The following SGCD variants were observed in gnomAD, a reference collection of about 807,000 sequenced individuals.
SGCD encodes the protein delta-sarcoglycan.
SGCD carries 18 observed loss-of-function variants against 36.6 expected under a neutral mutation model. The ratio of observed to expected loss-of-function variants is 0.49; its 90% CI spans 0.34 to 0.73. The LOEUF (loss-of-function observed/expected upper bound fraction) is 0.73. Ranked by LOEUF, SGCD falls within the 30% of genes least tolerant of loss-of-function variation. The probability of loss-of-function intolerance (pLI) is 0.01; values close to 1 mark genes in which losing one functional copy is unlikely to be tolerated. For synonymous variants in SGCD, 133 were observed against 130.6 expected (o/e 1.02, Z -0.12); for missense variants, 387 against 346.7 (o/e 1.12, Z -0.92).
chr5:156,565,374 A>T (rs1199068449), intron 4 of SGCD, among the ~76,000 whole-genome samples: 7 of 152,122 alleles, frequency 4.6e-5, no homozygotes, highest in South Asian at 2.1e-4. Context: ...ATATTTTTTT[A>T]AAAACCTGCC....
At chr5:156,504,744 A>G (rs1370669559) in intron 3 of SGCD, among the ~76,000 whole-genome samples, 1 of 152,204 alleles carries the variant, frequency 6.6e-6, no homozygotes, top group Non-Finnish European at 1.5e-5. Context: ...GAAGGAACTG[A>G]GGTAAATCGT....
At chr5:155,797,465 C>T in the SGCD span, among the ~76,000 whole-genome samples, 221 of 152,206 alleles carry the variant, frequency 1.5e-3, no homozygotes, top group Non-Finnish European at 2.5e-3. Context: ...AGTATATAGC[C>T]ATGGTATTCA....
chr5:156,349,539 A>G (rs957610734), intron 3 of SGCD, among the ~76,000 whole-genome samples: 1 of 152,132 alleles, frequency 6.6e-6, no homozygotes, highest in Non-Finnish European at 1.5e-5. Flanking sequence ...TAAAACCACA[A>G]TGAGATACCA....
At chr5:155,816,715 A>T in the SGCD span, among the ~76,000 whole-genome samples, 1 of 152,276 alleles carries the variant, frequency 6.6e-6, no homozygotes, top group African/African-American at 2.4e-5. Context: ...GTGAGAGCTT[A>T]TGGATTTGTG....
At chr5:156,616,948 A>G (rs185109647) in intron 6 of SGCD, among the ~76,000 whole-genome samples, 86 of 152,318 alleles carry the variant, frequency 5.6e-4, no homozygotes, top group Non-Finnish European at 1.8e-4. Context: ...CAGAAAGACT[A>G]AAATATCTAC....
chr5:156,131,991 A>G (rs1197157647), intron 3 of SGCD, among the ~76,000 whole-genome samples: 1 of 152,230 alleles, frequency 6.6e-6, no homozygotes, highest in African/African-American at 2.4e-5. Context: ...AAAGCCAGAA[A>G]AATTGCAAAT....
In SGCD at chr5:156,421,697, G is replaced by A. The variant is rs535671932; in HGVS notation, c.192+77020G>A. Among the ~76,000 whole-genome samples the A allele has an allele frequency of 3.9e-5, 6 of 152,164 alleles. No individual in the cohort carries two copies. In the East Asian group the frequency reaches 7.7e-4, roughly 20 times the overall value. On this transcript the variant is annotated intron_variant, in intron 3 of 8. Coordinates refer to ENST00000337851, the MANE Select transcript of SGCD (RefSeq NM_000337.6). The stretch of plus-strand genomic sequence containing the variant: ...TAAAAGAGCCCTTAAGTAAATGAGC[G>A]CTTTTAGCAGCACTTGAAGCTCTCT...
At chr5:155,926,531 T>C (rs1261124556) in intron 1 of SGCD, among the ~76,000 whole-genome samples, 1 of 152,254 alleles carries the variant, frequency 6.6e-6, no homozygotes, top group Non-Finnish European at 1.5e-5. Flanking sequence ...AAAGGATATA[T>C]CTTTTTCTAA....
At chr5:155,769,529 G>A in the SGCD span, among the ~76,000 whole-genome samples, 1 of 151,594 alleles carries the variant, frequency 6.6e-6, no homozygotes, top group African/African-American at 2.4e-5. Context: ...CTTCCACTTT[G>A]CTCCCAAATG....
intron 6 of SGCD, among the ~76,000 whole-genome samples, chr5:156,607,291 C>G (rs1437653808): frequency 6.6e-6 from 1 of 152,144 alleles, no homozygotes; most frequent in African/African-American, 2.4e-5. Context: ...TTTTCTGCAT[C>G]TATTGAGATA....
At chr5:156,016,396 T>G (rs1758978861) in intron 1 of SGCD, among the ~76,000 whole-genome samples, 1 of 152,192 alleles carries the variant, frequency 6.6e-6, no homozygotes, top group Non-Finnish European at 1.5e-5. Flanking sequence ...GCTGATTTAA[T>G]TTAAATAATT....
At chr5:156,698,876 CACACAG>C (rs1754423115) in intron 7 of SGCD, among the ~76,000 whole-genome samples, 1 of 149,882 alleles carries the variant, frequency 6.7e-6, no homozygotes, top group African/African-American at 2.5e-5. Flanking sequence ...CACACACACA[CACACAG>C]CATTTAGTAT....
At chr5:155,802,435 TA>T in the SGCD span, among the ~76,000 whole-genome samples, 1 of 152,220 alleles carries the variant, frequency 6.6e-6, no homozygotes, top group African/African-American at 2.4e-5. Flanking sequence ...TCTATGTACT[TA>T]GTTTAGTTGG....
intron 1 of SGCD, among the ~76,000 whole-genome samples, chr5:156,016,664 G>A (rs1758986641): frequency 1.3e-5 from 2 of 152,028 alleles, no homozygotes; most frequent in African/African-American, 4.8e-5. Flanking sequence ...GTACTGTCTT[G>A]TAATTTGCCG....
chr5:156,382,085 G>C (rs75086247), intron 3 of SGCD, among the ~76,000 whole-genome samples: 2,078 of 152,086 alleles, frequency 0.014, 22 homozygotes, highest in Non-Finnish European at 0.023. Context: ...TCAACCAAAG[G>C]CCCAGGAATG....
intron 3 of SGCD, among the ~76,000 whole-genome samples, chr5:156,249,579 A>G (rs2127660028): frequency 6.6e-6 from 1 of 152,340 alleles, no homozygotes; most frequent in East Asian, 1.9e-4. Flanking sequence ...ACTTGGTATT[A>G]GAAGACTTTA....
intron 4 of SGCD, among the ~76,000 whole-genome samples, chr5:156,571,012 A>G (rs1759696547): frequency 1.3e-5 from 2 of 151,836 alleles, no homozygotes; most frequent in South Asian, 4.2e-4. Flanking sequence ...TTTCTTCTCT[A>G]CCATTCTCTT....
At chr5:156,630,317 A>G (rs374196912) in intron 6 of SGCD, among the ~76,000 whole-genome samples, 8 of 152,352 alleles carry the variant, frequency 5.3e-5, no homozygotes, top group African/African-American at 1.7e-4. Context: ...CAGGTACTCA[A>G]TAAATGTTTG....
At chr5:156,262,449 G>A (rs1000011281) in intron 3 of SGCD, among the ~76,000 whole-genome samples, 1 of 152,082 alleles carries the variant, frequency 6.6e-6, no homozygotes, top group Non-Finnish European at 1.5e-5. Context: ...TTGTACAGGT[G>A]CACTCTATGA....
Sources: allele counts gnomAD v4.1 joint callset (sites outside exome capture counted in the v4.1 genomes callset), GRCh38; gene constraint gnomAD v4.1.1; transcripts MANE v1.5; gene names NCBI Gene and HGNC (gene_info 2026-07-23, HGNC 2026-07-21).